Variants in PLCB1 observed in about 807,000 individuals in gnomAD.
PLCB1 encodes 1-phosphatidylinositol 4,5-bisphosphate phosphodiesterase beta-1.
In PLCB1, 46 loss-of-function variants were observed where a neutral mutation model predicts 161.8. That is an observed-to-expected ratio of 0.28 (90% confidence interval 0.22 to 0.36). The LOEUF (loss-of-function observed/expected upper bound fraction) is 0.36. Ranked by LOEUF, PLCB1 falls within the 10% of genes least tolerant of loss-of-function variation. The probability of loss-of-function intolerance (pLI) is 1.00; values close to 1 mark genes in which losing one functional copy is unlikely to be tolerated. For missense variants in PLCB1, 1,016 were observed against 1,472.5 expected, an observed-to-expected ratio of 0.69 and a Z score of 5.07; for synonymous variants, 517 against 503.7, an observed-to-expected ratio of 1.03 and a Z score of -0.35.
intron 23 of PLCB1, among the ~76,000 whole-genome samples, chr20:8,741,870 G>A (rs964934911): frequency 3.9e-5 from 6 of 152,196 alleles, no homozygotes; most frequent in Admixed American, 1.3e-4. Flanking sequence ...GCTAATTAAA[G>A]GTGATGAACG....
At chr20:8,645,877 A>G (rs973872006) in intron 4 of PLCB1, among the ~76,000 whole-genome samples, 3 of 152,178 alleles carry the variant, frequency 2.0e-5, no homozygotes, top group Non-Finnish European at 4.4e-5. Flanking sequence ...AAGCAGAAAA[A>G]CCTTTATGTA....
chr20:8,360,026 A>T (rs902969527), intron 2 of PLCB1, among the ~76,000 whole-genome samples: 10 of 152,240 alleles, frequency 6.6e-5, no homozygotes, highest in African/African-American at 2.4e-4. Flanking sequence ...TCCAGGAGAC[A>T]TCAGTAAGAG....
At chr20:8,268,152 T>TCCCTGTG (rs1982077135) in intron 2 of PLCB1, among the ~76,000 whole-genome samples, 1 of 151,990 alleles carries the variant, frequency 6.6e-6, no homozygotes, top group African/African-American at 2.4e-5. Flanking sequence ...GTGTGTGATG[T>TCCCTGTG]TCCCCACCCT....
At position 8,883,836 on chromosome 20, in the gene PLCB1, A is replaced by C. The variant is rs1484845208; in HGVS notation, c.*1987A>C. 1 of 152,526 alleles carries C rather than the reference A, an allele frequency of 6.6e-6. No homozygotes were observed. Among genetic ancestry groups the C allele is most frequent in the African/African-American group, 2.4e-5 (1 of 41,420 alleles). The allele number at this position is 152,526 out of a possible 1,614,324, so 9.4% of individuals were successfully genotyped here. The stretch of plus-strand genomic sequence containing the variant: ...CCAATGAAAAAGAAATCTTTTGTAA[A>C]TCATTCTACTTTTGCACTTTGAAAG... On this transcript the variant is annotated 3_prime_UTR_variant, in exon 32 of 32. Coordinates refer to ENST00000338037, the MANE Select transcript of PLCB1 (RefSeq NM_015192.4).
At chr20:8,870,878 G>T (rs1987585165) in intron 31 of PLCB1, among the ~76,000 whole-genome samples, 1 of 152,218 alleles carries the variant, frequency 6.6e-6, no homozygotes, top group African/African-American at 2.4e-5. Context: ...GAGGAAGGAA[G>T]AGAATGCACA....
At chr20:8,179,248 A>T (rs76623167) in intron 2 of PLCB1, among the ~76,000 whole-genome samples, 1,797 of 151,930 alleles carry the variant, frequency 0.012, 38 homozygotes, top group African/African-American at 0.039. Context: ...ATCAATATTG[A>T]CTCTTCCTAT....
At position 8,462,766 on chromosome 20, in the gene PLCB1, C is replaced by T. The variant is rs189312855; in HGVS notation, c.246+91316C>T. 6.1e-5 allele frequency among the ~76,000 whole-genome samples: 9 copies of T among 148,400 alleles called. No individual in the cohort carries two copies. The East Asian group carries it at 1.7e-3, about 29-fold the overall frequency. ...TTCAAAGTTCAGATTGGCTGTCTCA[C>T]CACCTAAGCTCCATGCCTTGCCCCT... On this transcript the variant is annotated intron_variant, in intron 3 of 31. Transcript: ENST00000338037.
chr20:8,368,575 A>G (rs1489506316), intron 2 of PLCB1, among the ~76,000 whole-genome samples: 1 of 151,618 alleles, frequency 6.6e-6, no homozygotes, highest in Non-Finnish European at 1.5e-5. Flanking sequence ...AAAAGAAAAT[A>G]TTACTATTGA....
Position 8,622,422 on chromosome 20 carries a change from G to A in PLCB1, c.247-5872G>A, listed in dbSNP as rs183917266. On this transcript the variant is annotated intron_variant, in intron 3 of 31. Transcript: ENST00000338037. ...GTATTCAATCCATTGATATTCTATT[G>A]GCTCACTCACAGAGGTTACCTAAAG... Among the ~76,000 whole-genome samples, 15 of 152,036 alleles carry A rather than the reference G, an allele frequency of 9.9e-5. No individual in the cohort carries two copies. In the East Asian group the frequency reaches 2.7e-3, roughly 28 times the overall value.
rs113901440 is a variant in PLCB1, at chr20:8,804,852, G to A, written c.3423+14591G>A. On this transcript the variant is annotated intron_variant, in intron 31 of 31. Transcript: ENST00000338037. ...TAAAAATACAAAAAATTAGCCGGGC[G>A]TGGTGGCAGGTGTCTGTAATCCCAG... Among the ~76,000 whole-genome samples the A allele has an allele frequency of 1.6e-4, 24 of 152,016 alleles. 1 individual carries two copies. Among genetic ancestry groups the A allele is most frequent in the South Asian group, 1.0e-3 (5 of 4,794 alleles).
intron 31 of PLCB1, among the ~76,000 whole-genome samples, chr20:8,798,583 C>T (rs1984140834): frequency 6.6e-6 from 1 of 152,092 alleles, no homozygotes; most frequent in Admixed American, 6.5e-5. Flanking sequence ...TACACACACA[C>T]ACACACACAC....
chr20:8,379,078 G>A (rs942544705), intron 3 of PLCB1, among the ~76,000 whole-genome samples: 4 of 151,664 alleles, frequency 2.6e-5, no homozygotes, highest in African/African-American at 7.3e-5. Flanking sequence ...CTATTGACTC[G>A]TCCTGTAAGT....
chr20:8,809,774 C>G (rs533484605), intron 31 of PLCB1, among the ~76,000 whole-genome samples: 3 of 152,194 alleles, frequency 2.0e-5, no homozygotes, highest in African/African-American at 7.2e-5. Flanking sequence ...TAGACAGAGC[C>G]TGTACTGCTC....
At chr20:8,656,755 A>T (rs1263853088) in intron 7 of PLCB1, among the ~76,000 whole-genome samples, 1 of 150,668 alleles carries the variant, frequency 6.6e-6, no homozygotes, top group Non-Finnish European at 1.5e-5. Flanking sequence ...CTCTAGGGTC[A>T]TTACTTAAAA....
At chr20:8,863,957 T>C (rs1291016029) in intron 31 of PLCB1, among the ~76,000 whole-genome samples, 1 of 152,218 alleles carries the variant, frequency 6.6e-6, no homozygotes, top group African/African-American at 2.4e-5. Context: ...GCATTTTACA[T>C]AGCACTATGA....
chr20:8,778,291 CT>C (rs1983043573), intron 27 of PLCB1, among the ~76,000 whole-genome samples: 1 of 152,104 alleles, frequency 6.6e-6, no homozygotes. Context: ...GAGATTTGAG[CT>C]GCAGGAATAG....
chr20:8,149,113 C>A (rs924253253), intron 1 of PLCB1, among the ~76,000 whole-genome samples: 4 of 152,148 alleles, frequency 2.6e-5, no homozygotes, highest in Non-Finnish European at 2.9e-5. Flanking sequence ...TCCTGATAAA[C>A]TTACATTTAG....
chr20:8,154,906 T>C (rs1440981727), intron 2 of PLCB1, among the ~76,000 whole-genome samples: 2 of 152,188 alleles, frequency 1.3e-5, no homozygotes, highest in African/African-American at 4.8e-5. Context: ...ACTTGAAGCT[T>C]TAAGTTTTCA....
intron 2 of PLCB1, among the ~76,000 whole-genome samples, chr20:8,276,591 G>T (rs1283578618): frequency 6.6e-6 from 1 of 152,094 alleles, no homozygotes; most frequent in Non-Finnish European, 1.5e-5. Flanking sequence ...CTCCTTAAAT[G>T]AGATTTTTGC....
Sources: allele counts gnomAD v4.1 joint callset (sites outside exome capture counted in the v4.1 genomes callset), GRCh38; gene constraint gnomAD v4.1.1; transcripts MANE v1.5; gene names NCBI Gene and HGNC (gene_info 2026-07-23, HGNC 2026-07-21).